Variants in PTPN21 observed in about 807,000 individuals in gnomAD.
The protein encoded by PTPN21 is tyrosine-protein phosphatase non-receptor type 21.
PTPN21 carries 77 observed loss-of-function variants against 131.8 expected under a neutral mutation model. The observed-to-expected ratio is 0.58, with a 90% CI of 0.49 to 0.71. PTPN21 has a LOEUF of 0.71. Among genes scored for constraint, PTPN21 ranks in the 30% least tolerant of loss-of-function variants. The pLI is 0.00. For synonymous variants in PTPN21, 715 were observed against 621.3 expected (o/e 1.15, Z -2.24); for missense variants, 1,552 against 1,527.1 (o/e 1.02, Z -0.27).
At chr14:88,545,996 A>T (rs571123835) in intron 2 of PTPN21, among the ~76,000 whole-genome samples, 4,810 of 126,134 alleles carry the variant, frequency 0.038, 94 homozygotes, top group African/African-American at 0.074. Context: ...TGTCTCAAAT[A>T]AAAAAAAAAA....
At chr14:88,532,547 T>C (rs1013215099) in intron 2 of PTPN21, among the ~76,000 whole-genome samples, 1 of 152,204 alleles carries the variant, frequency 6.6e-6, no homozygotes, top group African/African-American at 2.4e-5. Flanking sequence ...CAAAAATACA[T>C]ATTAAAGTCA....
At chr14:88,523,709 C>A (rs1480430394) in intron 2 of PTPN21, among the ~76,000 whole-genome samples, 2 of 135,312 alleles carry the variant, frequency 1.5e-5, no homozygotes, top group Non-Finnish European at 3.2e-5. Flanking sequence ...ATCCACCCCC[C>A]AACCGTGACA....
At chr14:88,478,050 C>T (rs2077574139) in intron 13 of PTPN21, among the ~76,000 whole-genome samples, 1 of 152,066 alleles carries the variant, frequency 6.6e-6, no homozygotes, top group African/African-American at 2.4e-5. Context: ...AGTCATGTGA[C>T]CTTGGAAAAG....
chr14:88,482,551 G>A (rs2077666872), intron 12 of PTPN21, among the ~76,000 whole-genome samples: 1 of 151,896 alleles, frequency 6.6e-6, no homozygotes, highest in Non-Finnish European at 1.5e-5. Flanking sequence ...AGGCAGAGGT[G>A]GCAGTGAGCT....
intron 2 of PTPN21, among the ~76,000 whole-genome samples, chr14:88,531,793 G>GAAACA (rs557271097): frequency 6.6e-6 from 1 of 151,856 alleles, no homozygotes; most frequent in Non-Finnish European, 1.5e-5. Flanking sequence ...AAATGAAATT[G>GAAACA]AAACAAAACA....
In PTPN21 at chr14:88,468,646, AAG is replaced by A. The variant is rs531768544; in HGVS notation, c.3396+268_3396+269del. 3.9e-5 allele frequency among the ~76,000 whole-genome samples: 6 copies of A among 152,308 alleles called. No individual in the cohort carries two copies. The South Asian group carries it at 1.2e-3, about 32-fold the overall frequency. On this transcript the variant is annotated intron_variant, in intron 18 of 18. Transcript: ENST00000556564. ...ATCATCCTTGAAATGTAAACAGAAA[AAG>A]AATTCTGAGCTCAAATTTGAAAAAC... is the stretch of plus-strand genomic sequence containing the variant.
chr14:88,518,366 G>GTGTA (rs1176032128), intron 2 of PTPN21, among the ~76,000 whole-genome samples: 1 of 26,960 alleles, frequency 3.7e-5, no homozygotes. Flanking sequence ...ACATACACGT[G>GTGTA]TGTGTGTATG....
intron 2 of PTPN21, among the ~76,000 whole-genome samples, chr14:88,522,433 AAAAAAAAAAAG>A (rs1397808654): frequency 2.0e-5 from 3 of 150,632 alleles, no homozygotes; most frequent in East Asian, 1.9e-4. Context: ...GTCTCAAAAA[AAAAAAAAAAAG>A]AAAAAAAGAA....
At chr14:88,488,380 AAAAC>A (rs1411756947) in intron 10 of PTPN21, among the ~76,000 whole-genome samples, 1 of 132,838 alleles carries the variant, frequency 7.5e-6, no homozygotes, top group Non-Finnish European at 1.6e-5. Flanking sequence ...CTCTACTAAG[AAAAC>A]AAACTACAAA....
At chr14:88,523,330 G>C (rs1404945435) in intron 2 of PTPN21, among the ~76,000 whole-genome samples, 2 of 150,908 alleles carry the variant, frequency 1.3e-5, no homozygotes, top group Non-Finnish European at 3.0e-5. Context: ...TAAGACAAAA[G>C]AAAAAAAACA....
Position 88,485,106 on chromosome 14 carries a change from G to C in PTPN21, c.1048C>G (p.His350Asp), listed in dbSNP as rs2077713338. Residue 350 changes from histidine to aspartate, a missense_variant, in exon 12 of 19, where the codon CAT becomes GAT. Physicochemically the swap from His to Asp is moderately conservative, Grantham distance 81 (BLOSUM62 -1). This residue lies in a region of PTPN21 where 1,016 missense variants were observed against 883.5 expected (regional missense o/e 1.15). Coordinates refer to ENST00000556564, the MANE Select transcript of PTPN21 (RefSeq NM_007039.4). Reference sequence around the variant, plus strand: ...GAAGAAGCATATGGTTCTGTATAATGTCCATTATAGTGCAACTGCGGTGGG... The same window carrying C: ...GAAGAAGCATATGGTTCTGTATAATCTCCATTATAGTGCAACTGCGGTGGG... Reference protein sequence around the residue: ...PPPPQLHYNGHYTEPYASSQD... With the variant: ...PPPPQLHYNGDYTEPYASSQD... 1 of 1,608,110 alleles carries C rather than the reference G, an allele frequency of 6.2e-7. No homozygotes were observed. Among genetic ancestry groups the C allele is most frequent in the African/African-American group, 1.3e-5 (1 of 74,680 alleles).
intron 8 of PTPN21, among the ~76,000 whole-genome samples, chr14:88,499,067 G>T (rs1271854092): frequency 6.6e-6 from 1 of 152,274 alleles, no homozygotes; most frequent in East Asian, 1.9e-4. Flanking sequence ...TGACACTTTG[G>T]GCACCATCAG....
chr14:88,468,105 A>C lies in PTPN21; in HGVS notation c.*32T>G, dbSNP rs1212360597. 1 of 1,612,050 alleles carries C rather than the reference A, an allele frequency of 6.2e-7. No individual in the cohort carries two copies. Among genetic ancestry groups the C allele is most frequent in the Non-Finnish European group, 8.5e-7 (1 of 1,178,264 alleles). On this transcript the variant is annotated 3_prime_UTR_variant, in exon 19 of 19. Transcript: ENST00000556564. Reference sequence around the variant, plus strand: ...TTTTTTTTTAAGCTGTAAACGCTTCACATGACTGGCCCCGTAAGAAATTGT... The same window carrying C: ...TTTTTTTTTAAGCTGTAAACGCTTCCCATGACTGGCCCCGTAAGAAATTGT...
intron 3 of PTPN21, among the ~76,000 whole-genome samples, chr14:88,510,078 C>A (rs1482422956): frequency 6.6e-6 from 1 of 152,044 alleles, no homozygotes; most frequent in Non-Finnish European, 1.5e-5. Flanking sequence ...ATACTTGGAC[C>A]CAATTAATGT....
rs149301859 is a variant in PTPN21 at position 88,544,985 on chromosome 14, G to A, written c.180+5253C>T. Among the ~76,000 whole-genome samples the A allele has an allele frequency of 6.6e-5, 10 of 152,022 alleles. No homozygotes were observed. The East Asian group carries it at 1.4e-3, about 21-fold the overall frequency. On this transcript the variant is annotated intron_variant, in intron 2 of 18. Coordinates refer to ENST00000556564, the MANE Select transcript of PTPN21 (RefSeq NM_007039.4). ...TGGGACTACAGGCATACACCATCAC[G>A]CATGGGTAATTTTTTTGTATTTTTA...
At position 88,479,301 on chromosome 14, in the gene PTPN21, G is replaced by C. The variant is rs774895144; in HGVS notation, c.2130C>G (p.Ser710Arg). 6.2e-7 allele frequency: 1 copy of C among 1,613,424 alleles called. No individual in the cohort carries two copies. The highest frequency in any genetic ancestry group is 8.5e-7 in the Non-Finnish European group (1 of 1,179,590). The change falls in exon 13 of 19, where the codon AGC becomes AGG. Residue 710 changes from serine to arginine, a missense_variant. By Grantham distance (110) the Ser-to-Arg change is moderately radical. Transcript: ENST00000556564. ...AGTCCTCGTCCTCCTCCTCCTCGCT[G>C]CTGTGGATTAGCATGGTGGCGTCCG... Reference protein sequence around the residue: ...SLSDATMLIHSSEEEEDEDFE... With the variant: ...SLSDATMLIHRSEEEEDEDFE...
In PTPN21 at chr14:88,468,161, G is replaced by C; in HGVS notation, c.3501C>G (p.Phe1167Leu). ...CTTAGATGAGCCTGGAGCTTTTCAG[G>C]AACTGGATGAGGACTCTGTACACAA... Reference protein sequence around the residue: ...YTFVYRVLIQFLKSSRLI With the variant: ...YTFVYRVLIQLLKSSRLI Residue 1167 changes from phenylalanine (F) to leucine (L), a missense_variant, in exon 19 of 19, where the codon TTC (phenylalanine) becomes TTG (leucine). Coordinates refer to ENST00000556564, the MANE Select transcript of PTPN21 (RefSeq NM_007039.4). 6.2e-7 allele frequency: 1 copy of C among 1,613,916 alleles called. No homozygotes were observed. Among genetic ancestry groups the C allele is most frequent in the South Asian group, 1.1e-5 (1 of 91,070 alleles).
intron 2 of PTPN21, among the ~76,000 whole-genome samples, chr14:88,529,280 CTTGA>C (rs1007369358): frequency 1.3e-5 from 2 of 152,090 alleles, no homozygotes; most frequent in Non-Finnish European, 2.9e-5. Context: ...CATTTATTGA[CTTGA>C]TATTAAACCA....
Position 88,479,041 on chromosome 14 carries a change from G to T in PTPN21, c.2390C>A (p.Ser797Ter). The change falls in exon 13 of 19, where the codon TCG (serine) becomes TAG (stop). Residue 797 changes from serine to a stop codon, truncating the protein, a stop_gained. Transcript: ENST00000556564. LOFTEE classifies it high-confidence loss of function. Reference protein sequence around the residue: ...WRDGLLMPSMSESDLTTSGRY... With the variant: ...WRDGLLMPSM The stretch of plus-strand genomic sequence containing the variant: ...GCCTGACGTGGTGAGGTCGGACTCC[G>T]ACATGGAGGGCATCAGCAGCCCGTC... 6.2e-7 allele frequency: 1 copy of T among 1,607,334 alleles called. No homozygotes were observed.
Sources: allele counts gnomAD v4.1 joint callset (sites outside exome capture counted in the v4.1 genomes callset), GRCh38; gene constraint gnomAD v4.1.1; regional missense constraint gnomAD v4.1.1; transcripts MANE v1.5; gene names NCBI Gene and HGNC (gene_info 2026-07-23, HGNC 2026-07-21).